The following DNAH5 variants were observed in gnomAD, a reference collection of about 807,000 sequenced individuals.
DNAH5 encodes dynein axonemal heavy chain 5.
A neutral mutation model predicts 518.2 loss-of-function variants in DNAH5; 372 were observed. That is an observed-to-expected ratio of 0.72 (90% CI 0.66 to 0.78). The LOEUF (loss-of-function observed/expected upper bound fraction) is 0.78, where lower values mean the gene tolerates loss of function less well. Ranked by LOEUF, DNAH5 falls within the 30% of genes least tolerant of loss-of-function variation. DNAH5 has a pLI of 0.00. For synonymous variants in DNAH5, 2,039 were observed against 2,025.9 expected (o/e 1.01, Z -0.17); for missense variants, 5,523 against 5,687.0 (o/e 0.97, Z 0.93).
chr5:13,872,379 A>G (rs1770250103), intron 22 of DNAH5, among the ~76,000 whole-genome samples: 2 of 152,212 alleles, frequency 1.3e-5, no homozygotes, highest in South Asian at 2.1e-4. Flanking sequence ...GAACAATACT[A>G]CATCTAACCA....
At chr5:13,870,201 A>G (rs1172986282) in intron 24 of DNAH5, among the ~76,000 whole-genome samples, 1 of 152,142 alleles carries the variant, frequency 6.6e-6, no homozygotes, top group Admixed American at 6.6e-5. Flanking sequence ...TACTGCATAT[A>G]TGGACACTGT....
intron 9 of DNAH5, among the ~76,000 whole-genome samples, chr5:13,915,233 T>C (rs1413586682): frequency 6.6e-6 from 1 of 152,082 alleles, no homozygotes; most frequent in Admixed American, 6.6e-5. Context: ...ATGCCCAGGA[T>C]TTACAGTGCA....
intron 35 of DNAH5, among the ~76,000 whole-genome samples, chr5:13,833,365 G>A (rs999824532): frequency 6.6e-6 from 1 of 151,664 alleles, no homozygotes; most frequent in Non-Finnish European, 1.5e-5. Flanking sequence ...CTTGAACCTG[G>A]GAGGCAGAGG....
At chr5:13,767,545 A>G (rs1752676827) in intron 58 of DNAH5, among the ~76,000 whole-genome samples, 1 of 152,238 alleles carries the variant, frequency 6.6e-6, no homozygotes, top group East Asian at 1.9e-4. Context: ...GTTATAAAAG[A>G]AAAGAGAAAA....
chr5:13,890,285 T>G (rs1241566945), intron 17 of DNAH5, among the ~76,000 whole-genome samples: 1 of 151,782 alleles, frequency 6.6e-6, no homozygotes, highest in East Asian at 1.9e-4. Context: ...CGTGTGCCTG[T>G]AGTCCCAGCT....
At chr5:13,908,047 G>A (rs1775550183) in intron 12 of DNAH5, among the ~76,000 whole-genome samples, 1 of 152,154 alleles carries the variant, frequency 6.6e-6, no homozygotes, top group Non-Finnish European at 1.5e-5. Context: ...ACCTGTGGAG[G>A]AGATGGAGCT....
rs148666497 is a variant in DNAH5, at chr5:13,780,844, T to C, written c.8936A>G (p.Gln2979Arg). The change falls in exon 53 of 79, where the codon CAG becomes CGG. Residue 2979 changes from glutamine (Q) to arginine (R), a missense_variant. Gln to Arg is a conservative substitution (Grantham distance 43). Around this residue, in one of 3 missense-constraint regions of DNAH5, gnomAD observed 5,121 missense variants for 5,223.3 expected, o/e 0.98. Coordinates refer to ENST00000265104, the MANE Select transcript of DNAH5 (RefSeq NM_001369.3). ...ASFIAGYVSF[Q>R]ITLTRSYNTS... Reference sequence around the variant, plus strand: ...AGGTTGTCACCTCGTCAGAGTGATCTGGAAGGAAACGTAGCCAGCAATGAA... The same window carrying C: ...AGGTTGTCACCTCGTCAGAGTGATCCGGAAGGAAACGTAGCCAGCAATGAA... 1.6e-4 allele frequency: 265 copies of C among 1,613,584 alleles called. 1 individual carries two copies. The highest frequency in any genetic ancestry group is 2.7e-5 in the Non-Finnish European group (32 of 1,179,732).
intron 15 of DNAH5, chr5:13,898,367 A>G: frequency 2.5e-6 from 1 of 393,100 alleles, no homozygotes; most frequent in Admixed American, 4.4e-5. Flanking sequence ...TAGTAAAAAT[A>G]TTATTTTCTT....
At chr5:13,888,181 G>A (rs1043385394) in intron 17 of DNAH5, among the ~76,000 whole-genome samples, 4 of 152,130 alleles carry the variant, frequency 2.6e-5, no homozygotes, top group African/African-American at 4.8e-5. Context: ...CCTTTTATTC[G>A]AGGTTAACTC....
intron 3 of DNAH5, among the ~76,000 whole-genome samples, chr5:13,926,668 T>C (rs1233696312): frequency 6.9e-6 from 1 of 144,860 alleles, no homozygotes; most frequent in Non-Finnish European, 1.5e-5. Flanking sequence ...AGTCACAGGA[T>C]TGCTTGCATT....
intron 46 of DNAH5, 103 bp downstream of exon 46, chr5:13,808,941 C>T: frequency 7.1e-7 from 1 of 1,416,760 alleles, no homozygotes. Context: ...GCCTGGGCGA[C>T]AGAGTGAGAC....
intron 1 of DNAH5, among the ~76,000 whole-genome samples, chr5:14,000,274 T>C (rs945221925): frequency 6.6e-6 from 1 of 152,156 alleles, no homozygotes; most frequent in Non-Finnish European, 1.5e-5. Context: ...ACTGGAGTGA[T>C]GCAGCTAGGA....
At chr5:13,798,787 T>C (rs1758260487) in intron 47 of DNAH5, among the ~76,000 whole-genome samples, 2 of 150,090 alleles carry the variant, frequency 1.3e-5, no homozygotes, top group South Asian at 4.2e-4. Flanking sequence ...TTTATTTATT[T>C]ATTTTGAGAC....
At chr5:13,776,340 G>T in intron 55 of DNAH5, 99 bp downstream of exon 55, 12 of 1,489,082 alleles carry the variant, frequency 8.1e-6, no homozygotes, top group Non-Finnish European at 1.0e-5. Flanking sequence ...CCTGGAGCCT[G>T]CCTGGAGATC....
At chr5:13,967,665 C>T (rs339414) in intron 1 of DNAH5, among the ~76,000 whole-genome samples, 115,660 of 152,096 alleles carry the variant, frequency 0.76, 44,302 homozygotes, top group East Asian at 0.81. Flanking sequence ...GACTCTTGCT[C>T]TGGCTGTATG....
intron 27 of DNAH5, 111 bp downstream of exon 27, chr5:13,865,557 A>C: frequency 1.3e-6 from 1 of 783,736 alleles, no homozygotes; most frequent in Non-Finnish European, 2.3e-6. Context: ...AGAACAATGC[A>C]GCAAGATGTG....
At chr5:13,935,951 G>A (rs1156304945) in intron 1 of DNAH5, among the ~76,000 whole-genome samples, 4 of 152,184 alleles carry the variant, frequency 2.6e-5, no homozygotes, top group Non-Finnish European at 4.4e-5. Context: ...GAATAGGGGT[G>A]GGGAACATGG....
chr5:13,822,122 A>C (rs539421810), intron 40 of DNAH5, among the ~76,000 whole-genome samples: 1 of 152,136 alleles, frequency 6.6e-6, no homozygotes, highest in South Asian at 2.1e-4. Flanking sequence ...TAGCCAAAAG[A>C]TGAAGAAACC....
At chr5:13,813,560 G>A (rs953394494) in intron 43 of DNAH5, among the ~76,000 whole-genome samples, 1 of 151,692 alleles carries the variant, frequency 6.6e-6, no homozygotes, top group African/African-American at 2.4e-5. Context: ...TGTCATTAGT[G>A]ATTACTTTTG....
Sources: gnomAD v4.1 joint callset for allele counts (sites outside exome capture counted in the v4.1 genomes callset) on GRCh38, gnomAD v4.1.1 for gene constraint, gnomAD v4.1.1 regional missense constraint, MANE v1.5 for transcripts, NCBI Gene and HGNC (gene_info 2026-07-23, HGNC 2026-07-21) for gene names.